The following DOK5 variants were observed in gnomAD, a reference collection of about 807,000 sequenced individuals.
DOK5 encodes docking protein 5.
A neutral mutation model predicts 43.3 loss-of-function variants in DOK5; 27 were observed. The ratio of observed to expected loss-of-function variants is 0.62; its 90% CI spans 0.46 to 0.86. DOK5 has a LOEUF of 0.86. DOK5 is among the 40% of genes least tolerant of loss of function. The probability of loss-of-function intolerance (pLI) is 0.00; values close to 1 mark genes in which losing one functional copy is unlikely to be tolerated. For missense variants in DOK5, 373 were observed against 392.9 expected, an observed-to-expected ratio of 0.95 and a Z score of 0.43; for synonymous variants, 146 against 140.1, an observed-to-expected ratio of 1.04 and a Z score of -0.30.
At chr20:54,624,170 G>A (rs2146808926) in intron 6 of DOK5, among the ~76,000 whole-genome samples, 1 of 152,298 alleles carries the variant, frequency 6.6e-6, no homozygotes, top group Non-Finnish European at 1.5e-5. Context: ...GTAAAGCAAA[G>A]TGCAACAAGA....
chr20:54,489,639 C>G (rs1271007255), intron 1 of DOK5, among the ~76,000 whole-genome samples: 1 of 151,160 alleles, frequency 6.6e-6, no homozygotes, highest in African/African-American at 2.4e-5. Flanking sequence ...TATTTTATGC[C>G]CATTTTACAA....
At chr20:54,522,149 A>G (rs913940747) in intron 1 of DOK5, among the ~76,000 whole-genome samples, 1 of 152,196 alleles carries the variant, frequency 6.6e-6, no homozygotes, top group Non-Finnish European at 1.5e-5. Context: ...TCCCTGGGCC[A>G]CATTGGAAGA....
intron 4 of DOK5, 133 bp from the exon 5 acceptor site, chr20:54,591,483 G>A (rs77291105): frequency 4.7e-6 from 3 of 632,076 alleles, no homozygotes; most frequent in South Asian, 2.4e-5. Flanking sequence ...AATAGGAAAG[G>A]TTTATCTTTC....
At chr20:54,566,911 T>C (rs1985119152) in intron 2 of DOK5, among the ~76,000 whole-genome samples, 1 of 152,228 alleles carries the variant, frequency 6.6e-6, no homozygotes, top group South Asian at 2.1e-4. Context: ...ATTCTAATAG[T>C]GACATTTCAC....
chr20:54,631,870 G>A (rs2146817437), intron 6 of DOK5, among the ~76,000 whole-genome samples: 1 of 152,262 alleles, frequency 6.6e-6, no homozygotes, highest in East Asian at 1.9e-4. Context: ...TACTGGGGAG[G>A]CTGAGGCAGG....
intron 5 of DOK5, among the ~76,000 whole-genome samples, chr20:54,609,687 AATTT>A (rs1422071298): frequency 1.3e-5 from 2 of 152,096 alleles, no homozygotes; most frequent in Non-Finnish European, 2.9e-5. Flanking sequence ...TTATTAATGA[AATTT>A]ATTTCTCTTT....
chr20:54,584,288 CT>C (rs1463317791), intron 2 of DOK5, among the ~76,000 whole-genome samples: 3 of 151,498 alleles, frequency 2.0e-5, no homozygotes, highest in African/African-American at 7.3e-5. Context: ...TTAAAAAATT[CT>C]TTAGGGTCAT....
intron 2 of DOK5, among the ~76,000 whole-genome samples, chr20:54,564,517 G>C (rs1370668516): frequency 1.3e-5 from 2 of 152,180 alleles, no homozygotes; most frequent in East Asian, 3.8e-4. Flanking sequence ...ACAAATTTGT[G>C]TCTATGCCTC....
intron 7 of DOK5, among the ~76,000 whole-genome samples, chr20:54,644,710 A>AAAAAAAAAAAAAAAC (rs1555839774): frequency 5.9e-5 from 6 of 102,202 alleles, no homozygotes; most frequent in Admixed American, 9.6e-5. Flanking sequence ...CGTCTCAAAA[A>AAAAAAAAAAAAAAAC]AAAAAAAAAA....
At chr20:54,532,478 A>C (rs1321062458) in intron 1 of DOK5, among the ~76,000 whole-genome samples, 2 of 152,166 alleles carry the variant, frequency 1.3e-5, no homozygotes, top group Admixed American at 6.5e-5. Context: ...TTCCACATAG[A>C]TGCATTGCGC....
rs1450527668 is a variant in DOK5, at chr20:54,651,128, T to C, written c.*649T>C. 6.6e-6 allele frequency: 1 copy of C among 152,248 alleles called. No individual in the cohort carries two copies. Among genetic ancestry groups the C allele is most frequent in the Non-Finnish European group, 1.5e-5 (1 of 68,054 alleles). 9.4% of individuals were successfully genotyped at this position (152,248 alleles called of 1,614,324 possible). ...GAAAGCCTTTATTTTGTTCGGAGTCTCTTCATAAAACATTTGAAAATAAAA... is the reference window on the plus strand; with the variant it reads ...GAAAGCCTTTATTTTGTTCGGAGTCCCTTCATAAAACATTTGAAAATAAAA... On this transcript the variant is annotated 3_prime_UTR_variant, in exon 8 of 8. Transcript: ENST00000262593.
intron 1 of DOK5, among the ~76,000 whole-genome samples, chr20:54,554,047 G>A (rs953564996): frequency 6.6e-6 from 1 of 151,936 alleles, no homozygotes; most frequent in South Asian, 2.1e-4. Flanking sequence ...ATGTGCTAGT[G>A]TACCTTTTAC....
rs371398994 is a variant in DOK5 at position 54,636,673 on chromosome 20, C to T, written c.736-6785C>T. 3.8e-4 allele frequency among the ~76,000 whole-genome samples: 58 copies of T among 152,276 alleles called. No homozygotes were observed. In the South Asian group the frequency reaches 1.0e-2, roughly 26 times the overall value. On this transcript the variant is annotated intron_variant, in intron 6 of 7. Coordinates refer to ENST00000262593, the MANE Select transcript of DOK5 (RefSeq NM_018431.5). ...AAAAAACTCCTGACCTCTGAGCCTT[C>T]GGTGAGATTGATTTGACTAATAACT... is the stretch of plus-strand genomic sequence containing the variant.
intron 1 of DOK5, among the ~76,000 whole-genome samples, chr20:54,484,379 C>CAA (rs879561560): frequency 7.3e-6 from 1 of 136,588 alleles, no homozygotes; most frequent in Non-Finnish European, 1.6e-5. Context: ...GACTTCATCT[C>CAA]AAAAAAAAAA....
In DOK5 at chr20:54,591,607, T is replaced by C; in HGVS notation, c.410-9T>C. 1 of 1,561,636 alleles carries C rather than the reference T, an allele frequency of 6.4e-7. No homozygotes were observed. Among genetic ancestry groups the C allele is most frequent in the East Asian group, 2.4e-5 (1 of 42,548 alleles). On this transcript the variant is annotated splice_polypyrimidine_tract_variant and intron_variant, in intron 4 of 7. Coordinates refer to ENST00000262593, the MANE Select transcript of DOK5 (RefSeq NM_018431.5). ...GGGATTTTAGACTAACCTTTTGTTTTTCTCCCAGAGAGATTCAATGTGTAT... is the reference window on the plus strand; with the variant it reads ...GGGATTTTAGACTAACCTTTTGTTTCTCTCCCAGAGAGATTCAATGTGTAT...
chr20:54,492,824 G>C (rs545377170), intron 1 of DOK5, among the ~76,000 whole-genome samples: 36 of 151,788 alleles, frequency 2.4e-4, no homozygotes, highest in Admixed American at 2.0e-3. Context: ...GAGGCCAAGG[G>C]GGGTGGATCA....
chr20:54,626,398 T>C (rs1422395374), intron 6 of DOK5, among the ~76,000 whole-genome samples: 1 of 152,204 alleles, frequency 6.6e-6, no homozygotes, highest in Non-Finnish European at 1.5e-5. Flanking sequence ...CTTTATTTCC[T>C]TCAATTTTCA....
intron 1 of DOK5, among the ~76,000 whole-genome samples, chr20:54,510,650 C>T (rs371899981): frequency 2.0e-5 from 3 of 152,138 alleles, no homozygotes; most frequent in African/African-American, 4.8e-5. Context: ...CTCTCCTTCC[C>T]GCTCTACTGG....
chr20:54,526,117 C>A (rs7266935), intron 1 of DOK5, among the ~76,000 whole-genome samples: 11 of 151,108 alleles, frequency 7.3e-5, no homozygotes, highest in Non-Finnish European at 7.4e-5. Context: ...CAGAAGCCTG[C>A]GTGAAAGTAA....
Sources: gnomAD v4.1 joint callset for allele counts (sites outside exome capture counted in the v4.1 genomes callset) on GRCh38, gnomAD v4.1.1 for gene constraint, MANE v1.5 for transcripts, NCBI Gene and HGNC (gene_info 2026-07-23, HGNC 2026-07-21) for gene names.